Variants in COL25A1 observed in about 807,000 individuals in gnomAD.
The protein encoded by COL25A1 is collagen type XXV alpha 1 chain, also known as collagen alpha-1(XXV) chain.
COL25A1 carries 103 observed loss-of-function variants against 128.4 expected under a neutral mutation model. The ratio of observed to expected loss-of-function variants is 0.80; its 90% CI spans 0.68 to 0.94. The LOEUF is 0.94. COL25A1 is among the 40% of genes least tolerant of loss of function. COL25A1 has a pLI of 0.00. For missense variants in COL25A1, 745 were observed against 840.0 expected (o/e 0.89, Z 1.40); for synonymous variants, 279 against 277.2 (o/e 1.01, Z -0.06).
At chr4:108,833,264 G>A (rs1476963419) in intron 31 of COL25A1, among the ~76,000 whole-genome samples, 1 of 152,176 alleles carries the variant, frequency 6.6e-6, no homozygotes, top group Non-Finnish European at 1.5e-5. Context: ...TACAGGAAAG[G>A]AATCATTCTT....
In COL25A1 at chr4:108,813,208, A is replaced by C. The variant is rs1432928989; in HGVS notation, c.*719T>G. The C allele has an allele frequency of 6.6e-6, 1 of 152,252 alleles. No individual in the cohort carries two copies. The highest frequency in any genetic ancestry group is 1.5e-5 in the Non-Finnish European group (1 of 68,068). The allele number at this position is 152,252 out of a possible 1,614,324, so 9.4% of individuals were successfully genotyped here. ...TCAACCAAAGTGGCCACATGAGCCC[A>C]CAATACTGGAAGCTGTAGATCTGCA... is the stretch of plus-strand genomic sequence containing the variant. On this transcript the variant is annotated 3_prime_UTR_variant, in exon 38 of 38. Transcript: ENST00000399132.
intron 13 of COL25A1, among the ~76,000 whole-genome samples, chr4:108,905,872 C>T (rs1369197151): frequency 1.3e-5 from 2 of 150,856 alleles, no homozygotes; most frequent in Non-Finnish European, 1.5e-5. Context: ...CGGGGGGAGG[C>T]GTGGAGAGAC....
intron 3 of COL25A1, among the ~76,000 whole-genome samples, chr4:109,205,689 T>C (rs566968957): frequency 8.5e-5 from 13 of 152,300 alleles, no homozygotes; most frequent in African/African-American, 2.9e-4. Context: ...ATTGTATTTT[T>C]AGACTATCCG....
chr4:108,842,422 C>T (rs1734555836), intron 30 of COL25A1, among the ~76,000 whole-genome samples: 2 of 152,110 alleles, frequency 1.3e-5, no homozygotes, highest in African/African-American at 4.8e-5. Context: ...TGTAGAAAAT[C>T]TAAATATACA....
At chr4:108,862,995 G>A (rs1223672137) in intron 21 of COL25A1, among the ~76,000 whole-genome samples, 1 of 152,168 alleles carries the variant, frequency 6.6e-6, no homozygotes, top group Non-Finnish European at 1.5e-5. Context: ...ACTCCATTAA[G>A]TTACCATAGA....
chr4:109,301,687 T>C (rs1378081859), intron 2 of COL25A1, 36 bp downstream of exon 2: 1 of 1,593,068 alleles, frequency 6.3e-7, no homozygotes, highest in Admixed American at 1.7e-5. Context: ...TTGTACAAGA[T>C]GTTACCCACG....
chr4:109,142,690 T>C (rs980009043), intron 3 of COL25A1, among the ~76,000 whole-genome samples: 1 of 152,152 alleles, frequency 6.6e-6, no homozygotes, highest in Non-Finnish European at 1.5e-5. Context: ...TTGATCTTTG[T>C]TGGCTTAAAG....
At chr4:109,099,621 T>TA (rs199518418) in intron 3 of COL25A1, among the ~76,000 whole-genome samples, 4,409 of 128,382 alleles carry the variant, frequency 0.034, 109 homozygotes, top group Middle Eastern at 0.12. Context: ...CCCAAAGTTA[T>TA]AAAAAAAAAA....
chr4:108,903,696 T>C (rs1743124345), intron 13 of COL25A1, among the ~76,000 whole-genome samples: 1 of 152,114 alleles, frequency 6.6e-6, no homozygotes, highest in South Asian at 2.1e-4. Context: ...CTGAGTTTTA[T>C]TTGCTTTTAT....
intron 3 of COL25A1, among the ~76,000 whole-genome samples, chr4:109,084,026 C>T (rs1764132132): frequency 6.6e-6 from 1 of 152,056 alleles, no homozygotes; most frequent in Non-Finnish European, 1.5e-5. Context: ...GAATAATCCA[C>T]TACACAAGAC....
At chr4:109,170,066 C>CA (rs1167826419) in intron 3 of COL25A1, among the ~76,000 whole-genome samples, 1 of 151,834 alleles carries the variant, frequency 6.6e-6, no homozygotes, top group African/African-American at 2.4e-5. Context: ...TTGGTTCAGA[C>CA]AAAAAATAAT....
chr4:108,908,882 TAA>T (rs1284963179), intron 13 of COL25A1, among the ~76,000 whole-genome samples: 1 of 152,008 alleles, frequency 6.6e-6, no homozygotes, highest in African/African-American at 2.4e-5. Flanking sequence ...TCTCTTATGC[TAA>T]GTCAGTTCCT....
intron 36 of COL25A1, 69 bp downstream of exon 36, chr4:108,819,183 C>G (rs543178204): frequency 9.8e-6 from 12 of 1,230,622 alleles, no homozygotes; most frequent in African/African-American, 1.5e-5. Flanking sequence ...CCACTTTACA[C>G]TGATAGAGAT....
Position 109,071,613 on chromosome 4 carries a change from C to T in COL25A1, c.368-21434G>A, listed in dbSNP as rs188106879. Among the ~76,000 whole-genome samples the T allele has an allele frequency of 7.9e-3, 1,202 of 152,226 alleles. 10 individuals carry two copies. Among genetic ancestry groups the T allele is most frequent in the Non-Finnish European group, 0.014 (931 of 68,016 alleles). ...AACAAATTTACAAGAAAAAAACAAA[C>T]AACCCCATCAAAAAGTGGGCAAAGG... is the stretch of plus-strand genomic sequence containing the variant. On this transcript the variant is annotated intron_variant, in intron 3 of 37. Transcript: ENST00000399132.
At chr4:109,256,122 T>TGTGTGTGTGTGTGTGTGTGTGTGTGTG (rs35464450) in intron 3 of COL25A1, among the ~76,000 whole-genome samples, 4 of 113,342 alleles carry the variant, frequency 3.5e-5, no homozygotes, top group African/African-American at 1.7e-4. Flanking sequence ...GTGTGTGTGT[T>TGTGTGTGTGTGTGTGTGTGTGTGTGTG]TGAGTACAAA....
intron 31 of COL25A1, chr4:108,837,991 T>C: frequency 2.5e-6 from 2 of 801,634 alleles, no homozygotes; most frequent in South Asian, 1.5e-5. Context: ...TGTTTTCTAA[T>C]TACAGAAACC....
intron 3 of COL25A1, among the ~76,000 whole-genome samples, chr4:109,233,395 T>C (rs367754068): frequency 2.8e-4 from 42 of 152,256 alleles, no homozygotes; most frequent in African/African-American, 9.9e-4. Flanking sequence ...TTCATTCTGA[T>C]CCAACTAGTA....
At chr4:108,960,761 G>A (rs17532006) in intron 8 of COL25A1, among the ~76,000 whole-genome samples, 46,117 of 151,822 alleles carry the variant, frequency 0.3, 7,568 homozygotes, top group South Asian at 0.46. Context: ...TTTTCTCTAA[G>A]ATCGAAGTCA....
At chr4:109,012,775 G>A (rs1481784108) in intron 5 of COL25A1, among the ~76,000 whole-genome samples, 2 of 152,200 alleles carry the variant, frequency 1.3e-5, no homozygotes, top group African/African-American at 4.8e-5. Context: ...GGGCTCCCAT[G>A]TGGCCCCAGC....
Sources: gnomAD v4.1 joint callset for allele counts (sites outside exome capture counted in the v4.1 genomes callset) on GRCh38, gnomAD v4.1.1 for gene constraint, MANE v1.5 for transcripts, NCBI Gene and HGNC (gene_info 2026-07-23, HGNC 2026-07-21) for gene names.